NCALD: variants seen among roughly 807,000 people sequenced by gnomAD.
The protein encoded by NCALD is neurocalcin delta.
In NCALD, 10 loss-of-function variants were observed where a neutral mutation model predicts 18.6. The ratio of observed to expected loss-of-function variants is 0.54; its 90% CI spans 0.33 to 0.91. The LOEUF (loss-of-function observed/expected upper bound fraction) is 0.91. Ranked by LOEUF, NCALD falls within the 40% of genes least tolerant of loss-of-function variation. The pLI is 0.03. For synonymous variants in NCALD, 88 were observed against 87.4 expected (o/e 1.01, Z -0.04); for missense variants, 184 against 247.6 (o/e 0.74, Z 1.72).
intron 4 of NCALD, among the ~76,000 whole-genome samples, chr8:101,867,003 C>A (rs1199479549): frequency 6.6e-6 from 1 of 152,148 alleles, no homozygotes; most frequent in Non-Finnish European, 1.5e-5. Context: ...TGACCACCAC[C>A]TTCTACTATC....
intron 2 of NCALD, among the ~76,000 whole-genome samples, chr8:101,704,233 T>C (rs1400362136): frequency 6.6e-6 from 1 of 152,194 alleles, no homozygotes; most frequent in Non-Finnish European, 1.5e-5. Flanking sequence ...TAAAATCCTG[T>C]TGAAGAGACC....
At chr8:102,088,455 A>G (rs1248744019) in intron 1 of NCALD, among the ~76,000 whole-genome samples, 1 of 152,138 alleles carries the variant, frequency 6.6e-6, no homozygotes, top group East Asian at 1.9e-4. Context: ...AAAGACTGCT[A>G]TGGTTAAAAG....
chr8:102,057,906 C>T lies in NCALD; in HGVS notation c.-209-37617G>A, dbSNP rs535166307. ...TGAGCTTTTAATACAATAAAATATT[C>T]GCTGGAGATTGGATCAGAAAAGGGT... On this transcript the variant is annotated intron_variant, in intron 1 of 6. Transcript: ENST00000311028. Among the ~76,000 whole-genome samples, 7 of 152,266 alleles carry T rather than the reference C, an allele frequency of 4.6e-5. No individual in the cohort carries two copies. The East Asian group carries it at 1.2e-3, about 25-fold the overall frequency.
At chr8:102,055,281 T>C (rs1042009747) in intron 1 of NCALD, among the ~76,000 whole-genome samples, 11 of 145,762 alleles carry the variant, frequency 7.5e-5, no homozygotes, top group Non-Finnish European at 1.7e-4. Context: ...AAGAAGCCGG[T>C]GGGGCCATGC....
chr8:102,099,896 C>T (rs1248545207), intron 1 of NCALD, among the ~76,000 whole-genome samples: 1 of 151,198 alleles, frequency 6.6e-6, no homozygotes, highest in Non-Finnish European at 1.5e-5. Flanking sequence ...CACTTGAACC[C>T]GGGAGACAGA....
At chr8:101,879,276 T>C (rs190664691) in intron 4 of NCALD, among the ~76,000 whole-genome samples, 1 of 152,276 alleles carries the variant, frequency 6.6e-6, no homozygotes, top group Non-Finnish European at 1.5e-5. Flanking sequence ...GTCTGGAGTT[T>C]GTCCCTTCTG....
chr8:101,949,225 G>A (rs184685832), intron 2 of NCALD, among the ~76,000 whole-genome samples: 78 of 152,278 alleles, frequency 5.1e-4, no homozygotes, highest in African/African-American at 1.8e-3. Flanking sequence ...AATCCTGTGA[G>A]GAAAGAGAGC....
chr8:101,886,894 T>A (rs2131485896), intron 4 of NCALD, among the ~76,000 whole-genome samples: 1 of 152,294 alleles, frequency 6.6e-6, no homozygotes, highest in Non-Finnish European at 1.5e-5. Context: ...GGTTTCCGCT[T>A]AATCAGTCAC....
rs1047300692 is a variant in NCALD at position 102,003,539 on chromosome 8, C to T, written c.-157+16698G>A. On this transcript the variant is annotated intron_variant, in intron 2 of 6. Transcript: ENST00000311028. ...TCCCTAACTCATTTTATGAGGCCAG[C>T]ATCATCCTGATACCAAAGCCTGGCA... Among the ~76,000 whole-genome samples, 155 of 152,320 alleles carry T rather than the reference C, an allele frequency of 1.0e-3. 1 individual carries two copies. The highest frequency in any genetic ancestry group is 3.5e-3 in the African/African-American group (147 of 41,572).
intron 1 of NCALD, among the ~76,000 whole-genome samples, chr8:102,045,054 C>T (rs1823191113): frequency 6.6e-6 from 1 of 152,212 alleles, no homozygotes; most frequent in Admixed American, 6.5e-5. Flanking sequence ...AGCAACTGCT[C>T]AACATCACCC....
intron 1 of NCALD, among the ~76,000 whole-genome samples, chr8:101,755,467 A>G (rs1426329644): frequency 1.3e-5 from 2 of 152,224 alleles, no homozygotes; most frequent in African/African-American, 4.8e-5. Context: ...ATCAGGGTTC[A>G]TGATCAATGC....
chr8:101,983,894 C>T (rs1458456872), intron 2 of NCALD, among the ~76,000 whole-genome samples: 1 of 152,196 alleles, frequency 6.6e-6, no homozygotes, highest in Non-Finnish European at 1.5e-5. Flanking sequence ...GGTGCCCTAC[C>T]CAGTCCCCTC....
chr8:101,934,905 C>A (rs1775188990), intron 2 of NCALD, among the ~76,000 whole-genome samples: 1 of 152,118 alleles, frequency 6.6e-6, no homozygotes, highest in African/African-American at 2.4e-5. Flanking sequence ...CCATCCTCCT[C>A]AGACTTAGGC....
At chr8:101,777,162 C>T (rs1173709340) in intron 1 of NCALD, among the ~76,000 whole-genome samples, 1 of 152,192 alleles carries the variant, frequency 6.6e-6, no homozygotes, top group Non-Finnish European at 1.5e-5. Context: ...AGACAACACA[C>T]CTGTTTCCCA....
intron 2 of NCALD, among the ~76,000 whole-genome samples, chr8:101,927,504 G>A (rs1464165650): frequency 6.6e-6 from 1 of 152,192 alleles, no homozygotes; most frequent in Non-Finnish European, 1.5e-5. Context: ...AGGGTAAGGA[G>A]GAGCCAACCT....
At chr8:102,064,987 T>C (rs1205547773) in intron 1 of NCALD, among the ~76,000 whole-genome samples, 1 of 129,896 alleles carries the variant, frequency 7.7e-6, no homozygotes, top group Non-Finnish European at 1.5e-5. Context: ...GAGTACGAGA[T>C]TTGACAATTC....
Position 101,927,668 on chromosome 8 carries a change from T to C in NCALD, c.-156-11810A>G, listed in dbSNP as rs1040569790. Among the ~76,000 whole-genome samples the C allele has an allele frequency of 3.3e-5, 5 of 151,914 alleles. 1 individual carries two copies. In the South Asian group the frequency reaches 8.3e-4, roughly 25 times the overall value. Reference sequence around the variant, plus strand: ...CCCACTGAGGCAAGAAGTGGAAAAATTAGGCTAGAGAAGATTGCAAGGAGC... The same window carrying C: ...CCCACTGAGGCAAGAAGTGGAAAAACTAGGCTAGAGAAGATTGCAAGGAGC... On this transcript the variant is annotated intron_variant, in intron 2 of 6. Coordinates refer to the NCALD transcript ENST00000311028.
chr8:101,822,592 C>T (rs1187479837), intron 4 of NCALD, among the ~76,000 whole-genome samples: 1 of 152,222 alleles, frequency 6.6e-6, no homozygotes, highest in East Asian at 1.9e-4. Context: ...CCAGTAGTGG[C>T]AGTCAGTTCT....
At chr8:101,778,486 T>C (rs1811884838) in intron 1 of NCALD, among the ~76,000 whole-genome samples, 2 of 152,180 alleles carry the variant, frequency 1.3e-5, no homozygotes, top group South Asian at 4.1e-4. Context: ...GTAACTTTTT[T>C]TTTTAAAGTA....
Sources: gnomAD v4.1 joint callset for allele counts (sites outside exome capture counted in the v4.1 genomes callset) on GRCh38, gnomAD v4.1.1 for gene constraint, MANE v1.5 for transcripts, NCBI Gene and HGNC (gene_info 2026-07-23, HGNC 2026-07-21) for gene names.